Variants in SYT14 observed in about 807,000 individuals in gnomAD.
SYT14 encodes the protein synaptotagmin-14.
A neutral mutation model predicts 74.2 loss-of-function variants in SYT14; 32 were observed. The ratio of observed to expected loss-of-function variants is 0.43; its 90% confidence interval spans 0.33 to 0.58. The LOEUF is 0.58. Ranked by LOEUF, SYT14 falls within the 20% of genes least tolerant of loss-of-function variation. The probability of loss-of-function intolerance (pLI) is 0.05; values close to 1 mark genes in which losing one functional copy is unlikely to be tolerated. For missense variants in SYT14, 791 were observed against 981.8 expected (o/e 0.81, Z 2.60); for synonymous variants, 298 against 337.7 (o/e 0.88, Z 1.29).
chr1:210,111,121 C>T (rs774926691), intron 7 of SYT14, among the ~76,000 whole-genome samples: 25 of 152,334 alleles, frequency 1.6e-4, no homozygotes, highest in Admixed American at 6.5e-5. Flanking sequence ...GACCACCAAA[C>T]AGGCTTTGTG....
rs17015549 is a variant in SYT14, at chr1:210,045,144, T to C, written c.1312+23890T>C. On this transcript the variant is annotated intron_variant, in intron 5 of 9. Coordinates refer to ENST00000637265, the Ensembl canonical transcript of SYT14. ...AGGTATTTAGACTTGAATAGACTCA[T>C]TTCATTCGGTGCTATACACATTTAG... 7.8e-3 allele frequency among the ~76,000 whole-genome samples: 1,195 copies of C among 152,318 alleles called. 21 individuals are homozygous for C. The highest frequency in any genetic ancestry group is 0.027 in the African/African-American group (1,141 of 41,566).
At chr1:209,981,077 G>A (rs1309642990) in intron 2 of SYT14, among the ~76,000 whole-genome samples, 2 of 152,174 alleles carry the variant, frequency 1.3e-5, no homozygotes, top group African/African-American at 4.8e-5. Context: ...CTATCCATGA[G>A]CATGGAATGT....
chr1:210,064,783 G>A (rs577370624), intron 5 of SYT14, among the ~76,000 whole-genome samples: 1 of 152,028 alleles, frequency 6.6e-6, no homozygotes, highest in African/African-American at 2.4e-5. Flanking sequence ...GTATACCTAG[G>A]AATAGAATTG....
At chr1:210,127,757 G>T (rs1313692163) in intron 7 of SYT14, among the ~76,000 whole-genome samples, 1 of 152,142 alleles carries the variant, frequency 6.6e-6, no homozygotes, top group Non-Finnish European at 1.5e-5. Context: ...AGGGCACAGT[G>T]GCTCACTCCT....
intron 2 of SYT14, among the ~76,000 whole-genome samples, chr1:209,973,791 C>A (rs2079303629): frequency 6.6e-6 from 1 of 152,220 alleles, no homozygotes; most frequent in Non-Finnish European, 1.5e-5. Context: ...GCCACACTGA[C>A]TTCTAGAATG....
intron 2 of SYT14, among the ~76,000 whole-genome samples, chr1:209,983,108 T>G (rs2079516085): frequency 6.6e-6 from 1 of 152,104 alleles, no homozygotes; most frequent in South Asian, 2.1e-4. Flanking sequence ...CTTTATCAAA[T>G]GTGTCTTTTG....
chr1:210,062,655 A>G (rs1332165569), intron 5 of SYT14, among the ~76,000 whole-genome samples: 1 of 151,908 alleles, frequency 6.6e-6, no homozygotes, highest in Admixed American at 6.6e-5. Context: ...TTGACATTCT[A>G]TTCTCATGAA....
At chr1:210,070,910 ATTT>A (rs200981834) in intron 5 of SYT14, among the ~76,000 whole-genome samples, 1,394 of 116,196 alleles carry the variant, frequency 0.012, 18 homozygotes, top group African/African-American at 0.045. Flanking sequence ...GTTGGGTATA[ATTT>A]TTTTTTTTTT....
intron 2 of SYT14, among the ~76,000 whole-genome samples, chr1:209,994,133 A>G (rs1208687283): frequency 1.3e-5 from 2 of 152,196 alleles, no homozygotes; most frequent in African/African-American, 4.8e-5. Flanking sequence ...TTCCCCAGCA[A>G]TGGTTCTTAA....
chr1:210,045,282 C>T (rs1372515989), intron 5 of SYT14, among the ~76,000 whole-genome samples: 1 of 151,992 alleles, frequency 6.6e-6, no homozygotes, highest in Non-Finnish European at 1.5e-5. Flanking sequence ...CATAATAGTG[C>T]TAAATACAAA....
chr1:209,980,404 C>G (rs1446508845), intron 2 of SYT14, among the ~76,000 whole-genome samples: 2 of 152,052 alleles, frequency 1.3e-5, no homozygotes, highest in African/African-American at 4.8e-5. Context: ...GTTGTTTGTT[C>G]ATTCTGATGG....
At chr1:210,169,225 T>TGTTTTG (rs1295652514) in exon 10 of SYT14, 1 of 103,248 alleles carries the variant, frequency 9.7e-6, no homozygotes, top group African/African-American at 5.4e-5. Context: ...TTTGGTGTTT[T>TGTTTTG]TTTTTTTTTT....
At chr1:210,108,955 G>A (rs1430799564) in intron 7 of SYT14, among the ~76,000 whole-genome samples, 1 of 152,262 alleles carries the variant, frequency 6.6e-6, no homozygotes, top group East Asian at 1.9e-4. Context: ...GTGGAAGTGG[G>A]CATCTGAGAT....
At chr1:209,952,177 C>G (rs1156391800) in intron 1 of SYT14, among the ~76,000 whole-genome samples, 1 of 152,002 alleles carries the variant, frequency 6.6e-6, no homozygotes, top group Non-Finnish European at 1.5e-5. Context: ...ACGAAAGACT[C>G]TTTCCAAAAA....
chr1:210,057,823 A>C (rs1034848386), intron 5 of SYT14, among the ~76,000 whole-genome samples: 2 of 152,142 alleles, frequency 1.3e-5, no homozygotes, highest in Non-Finnish European at 2.9e-5. Flanking sequence ...CTATACTCCT[A>C]CTTCCCCATA....
exon 7 of SYT14, chr1:210,100,149 C>T: frequency 6.2e-7 from 1 of 1,614,036 alleles, no homozygotes; most frequent in Non-Finnish European, 8.5e-7. Context: ...TGACAGCTGT[C>T]ACAGACATCC....
chr1:210,134,721 C>T (rs1033329141), intron 7 of SYT14, among the ~76,000 whole-genome samples: 1 of 152,004 alleles, frequency 6.6e-6, no homozygotes, highest in Non-Finnish European at 1.5e-5. Context: ...TTTACAGTAC[C>T]ACTGTAAAAC....
chr1:210,128,326 A>G (rs1016289098), intron 7 of SYT14, among the ~76,000 whole-genome samples: 2 of 151,912 alleles, frequency 1.3e-5, no homozygotes, highest in Non-Finnish European at 1.5e-5. Flanking sequence ...GCAGTGAGCC[A>G]TGGTCACACC....
intron 2 of SYT14, among the ~76,000 whole-genome samples, chr1:210,001,661 G>A (rs1015269395): frequency 2.0e-5 from 3 of 152,136 alleles, no homozygotes; most frequent in Non-Finnish European, 4.4e-5. Flanking sequence ...ATAAGCCAGG[G>A]AAAAGGTGAG....
Sources: gnomAD v4.1 joint callset for allele counts (sites outside exome capture counted in the v4.1 genomes callset) on GRCh38, gnomAD v4.1.1 for gene constraint, MANE v1.5 for transcripts, NCBI Gene and HGNC (gene_info 2026-07-23, HGNC 2026-07-21) for gene names.